CACNA1C: variants seen among roughly 807,000 people sequenced by gnomAD.
CACNA1C encodes calcium voltage-gated channel subunit alpha1 C.
In CACNA1C, 30 loss-of-function variants were observed where a neutral mutation model predicts 229.0. The ratio of observed to expected loss-of-function variants is 0.13; its 90% CI spans 0.10 to 0.18. The LOEUF (loss-of-function observed/expected upper bound fraction) is 0.18. Ranked by LOEUF, CACNA1C falls within the 10% of genes least tolerant of loss-of-function variation. The pLI, the probability that CACNA1C is intolerant of heterozygous loss-of-function variation, is 1.00. For synonymous variants in CACNA1C, 1,114 were observed against 1,132.5 expected, an observed-to-expected ratio of 0.98 and a Z score of 0.33; for missense variants, 1,658 against 2,845.0, an observed-to-expected ratio of 0.58 and a Z score of 9.49.
At chr12:2,528,129 C>T (rs775188961) in intron 9 of CACNA1C, among the ~76,000 whole-genome samples, 1 of 152,148 alleles carries the variant, frequency 6.6e-6, no homozygotes, top group Non-Finnish European at 1.5e-5. Context: ...AGTTTTTAGT[C>T]TGAACAATTG....
chr12:2,206,225 C>T (rs1213414977), intron 3 of CACNA1C, among the ~76,000 whole-genome samples: 3 of 152,130 alleles, frequency 2.0e-5, no homozygotes, highest in Non-Finnish European at 4.4e-5. Context: ...CAACCCAGCC[C>T]TTGGAAGGAG....
At chr12:2,065,810 C>G (rs928585289) in intron 1 of CACNA1C, among the ~76,000 whole-genome samples, 1 of 151,964 alleles carries the variant, frequency 6.6e-6, no homozygotes, top group Non-Finnish European at 1.5e-5. Context: ...GGTGGGATGG[C>G]CTGTAATGTA....
At chr12:2,103,352 T>A (rs1022505844) in intron 1 of CACNA1C, among the ~76,000 whole-genome samples, 25 of 152,254 alleles carry the variant, frequency 1.6e-4, no homozygotes, top group Admixed American at 1.1e-3. Context: ...TGAGCTTTTT[T>A]TATATAGTTG....
At chr12:2,553,234 G>T (rs1181526341) in intron 10 of CACNA1C, among the ~76,000 whole-genome samples, 1 of 152,158 alleles carries the variant, frequency 6.6e-6, no homozygotes, top group Admixed American at 6.5e-5. Flanking sequence ...AGGCTGGGGT[G>T]GGGGGCGGAA....
intron 3 of CACNA1C, among the ~76,000 whole-genome samples, chr12:2,435,485 G>A (rs1295437945): frequency 1.5e-4 from 23 of 152,208 alleles, no homozygotes; most frequent in Admixed American, 1.5e-3. Context: ...CGTCCGTGTT[G>A]AGGATACTAA....
intron 3 of CACNA1C, among the ~76,000 whole-genome samples, chr12:2,339,179 C>A (rs746765191): frequency 6.6e-6 from 1 of 152,244 alleles, no homozygotes; most frequent in Non-Finnish European, 1.5e-5. Context: ...GCCCATCGTT[C>A]CTTGGATTCC....
chr12:2,305,406 C>T (rs2094933360), intron 3 of CACNA1C, among the ~76,000 whole-genome samples: 1 of 152,222 alleles, frequency 6.6e-6, no homozygotes, highest in African/African-American at 2.4e-5. Context: ...GTGCTCCTTC[C>T]CCTGGATGAC....
chr12:2,209,332 A>C (rs950718036), intron 3 of CACNA1C, among the ~76,000 whole-genome samples: 1 of 152,202 alleles, frequency 6.6e-6, no homozygotes, highest in Admixed American at 6.5e-5. Context: ...CTTATGAACA[A>C]AGGAGTGGGA....
chr12:2,673,757 GGAGA>G (rs1030963173), intron 38 of CACNA1C, among the ~76,000 whole-genome samples: 2 of 152,174 alleles, frequency 1.3e-5, no homozygotes, highest in African/African-American at 4.8e-5. Flanking sequence ...CAGGCCGGCT[GGAGA>G]GAACTCTGCC....
chr12:2,484,136 A>C (rs966718664), intron 5 of CACNA1C, among the ~76,000 whole-genome samples: 1 of 152,248 alleles, frequency 6.6e-6, no homozygotes. Flanking sequence ...ATAACATTTC[A>C]AACTGAGGTG....
At chr12:2,426,172 G>A (rs1595933077) in intron 3 of CACNA1C, among the ~76,000 whole-genome samples, 1 of 152,268 alleles carries the variant, frequency 6.6e-6, no homozygotes, top group African/African-American at 2.4e-5. Flanking sequence ...CAATCAATGA[G>A]CAGTACATAC....
chr12:2,500,944 T>C (rs912611462), intron 7 of CACNA1C, among the ~76,000 whole-genome samples: 14 of 151,846 alleles, frequency 9.2e-5, no homozygotes, highest in East Asian at 1.9e-4. Flanking sequence ...CAGTGGCTCA[T>C]GCCTGTAATC....
chr12:2,252,513 C>T (rs1016087695), intron 3 of CACNA1C, among the ~76,000 whole-genome samples: 1 of 152,068 alleles, frequency 6.6e-6, no homozygotes, highest in Admixed American at 6.5e-5. Context: ...GCTAAGAAGC[C>T]CCGGAGCAGG....
chr12:2,423,340 TA>T (rs2098996765), intron 3 of CACNA1C, among the ~76,000 whole-genome samples: 1 of 152,160 alleles, frequency 6.6e-6, no homozygotes, highest in Admixed American at 6.5e-5. Context: ...TAAAGCTAAG[TA>T]AAGGCCAAGT....
chr12:2,272,546 A>G (rs991377659), intron 3 of CACNA1C, among the ~76,000 whole-genome samples: 7 of 152,250 alleles, frequency 4.6e-5, no homozygotes, highest in Non-Finnish European at 8.8e-5. Flanking sequence ...TAAATTTGCT[A>G]TAATTTCTTA....
rs540049910 is a variant in CACNA1C at position 2,625,100 on chromosome 12, C to T, written c.3829-9197C>T. Among the ~76,000 whole-genome samples the T allele has an allele frequency of 1.5e-4, 23 of 152,272 alleles. No homozygotes were observed. In the East Asian group the frequency reaches 1.7e-3, roughly 12 times the overall value. On this transcript the variant is annotated intron_variant, in intron 29 of 46. Transcript: ENST00000399655. Reference sequence around the variant, plus strand: ...CAGGAGGACCTTCCCCCGCTCCCCCCGCCCCCCATGGCTCTGCACTCAGGG... The same window carrying T: ...CAGGAGGACCTTCCCCCGCTCCCCCTGCCCCCCATGGCTCTGCACTCAGGG...
chr12:2,516,299 G>C (rs572606324), intron 9 of CACNA1C, among the ~76,000 whole-genome samples: 1 of 152,228 alleles, frequency 6.6e-6, no homozygotes, highest in Non-Finnish European at 1.5e-5. Flanking sequence ...GGGGGTGAAT[G>C]GTGTAAGGTG....
chr12:1,976,411 T>C (rs1475218007), intron 1 of CACNA1C, among the ~76,000 whole-genome samples: 1 of 152,162 alleles, frequency 6.6e-6, no homozygotes, highest in African/African-American at 2.4e-5. Context: ...AAAGGAGTCC[T>C]TGAAAGTTTC....
At chr12:1,981,729 CATAT>C (rs1367208711) in intron 1 of CACNA1C, among the ~76,000 whole-genome samples, 6 of 152,216 alleles carry the variant, frequency 3.9e-5, no homozygotes, top group African/African-American at 1.4e-4. Flanking sequence ...ACATAAAAGA[CATAT>C]ATGCTGCAGT....
Sources: gnomAD v4.1 joint callset for allele counts (sites outside exome capture counted in the v4.1 genomes callset) on GRCh38, gnomAD v4.1.1 for gene constraint, MANE v1.5 for transcripts, NCBI Gene and HGNC (gene_info 2026-07-23, HGNC 2026-07-21) for gene names.